The following UBTD2 variants were observed in gnomAD, a reference collection of about 807,000 sequenced individuals.
UBTD2 encodes the protein ubiquitin domain-containing protein 2.
A neutral mutation model predicts 19.8 loss-of-function variants in UBTD2; 9 were observed. The observed-to-expected ratio is 0.46, with a 90% CI of 0.27 to 0.79. The LOEUF is 0.79. UBTD2 is among the 30% of genes least tolerant of loss of function. The pLI, the probability that UBTD2 is intolerant of heterozygous loss-of-function variation, is 0.14. For missense variants in UBTD2, 250 were observed against 300.4 expected (o/e 0.83, Z 1.24); for synonymous variants, 98 against 103.9 (o/e 0.94, Z 0.35).
chr5:172,255,538 C>T (rs1755123581), intron 1 of UBTD2: 2 of 279,992 alleles, frequency 7.1e-6, no homozygotes, highest in South Asian at 9.1e-5. Context: ...GCCTGGAGGC[C>T]CCCAAGCGCA....
chr5:172,269,490 C>CAA (rs373193759), intron 1 of UBTD2, among the ~76,000 whole-genome samples: 8 of 73,204 alleles, frequency 1.1e-4, no homozygotes, highest in African/African-American at 2.1e-4. Flanking sequence ...GGCCCTGTCT[C>CAA]AAAAAAAAAA....
In UBTD2 at chr5:172,210,174, A is replaced by G. The variant is rs1561846235; in HGVS notation, c.*1656T>C. ...TAGCCACAATCTTTAAAATGATTGC[A>G]TAAAAATAAGGAAGTAGTTAAAGCT... On this transcript the variant is annotated 3_prime_UTR_variant, in exon 3 of 3. Transcript: ENST00000393792. 1 of 152,262 alleles carries G rather than the reference A, an allele frequency of 6.6e-6. No homozygotes were observed. The highest frequency in any genetic ancestry group is 1.9e-4 in the East Asian group (1 of 5,202). The allele number at this position is 152,262 out of a possible 1,614,324, so 9.4% of individuals were successfully genotyped here.
intron 1 of UBTD2, among the ~76,000 whole-genome samples, chr5:172,274,769 G>A (rs528377234): frequency 6.6e-6 from 1 of 151,938 alleles, no homozygotes; most frequent in South Asian, 2.1e-4. Flanking sequence ...GGCCAGGCGC[G>A]GTGGCTCATG....
Position 172,210,433 on chromosome 5 carries a change from CAT to C in UBTD2, c.*1395_*1396del, listed in dbSNP as rs927045313. ...TGGATTCTCAGGGGCACAGTGGTCA[CAT>C]GTTAGCCCCCCTTCTCACTTATGGA... On this transcript the variant is annotated 3_prime_UTR_variant, in exon 3 of 3. Coordinates refer to ENST00000393792, the MANE Select transcript of UBTD2 (RefSeq NM_152277.3). The C allele has an allele frequency of 1.2e-4, 19 of 152,200 alleles. No homozygotes were observed. Among genetic ancestry groups the C allele is most frequent in the African/African-American group, 3.1e-4 (13 of 41,550 alleles). 9.4% of individuals were successfully genotyped at this position (152,200 alleles called of 1,614,324 possible).
At chr5:172,212,364 G>T in intron 2 of UBTD2, 137 bp from the exon 3 acceptor site, 1 of 924,546 alleles carries the variant, frequency 1.1e-6, no homozygotes, top group Non-Finnish European at 1.5e-6. Context: ...GATCATCAAT[G>T]ATTATCAAAT....
At position 172,211,879 on chromosome 5, in the gene UBTD2, T is replaced by G; in HGVS notation, c.656A>C (p.Gln219Pro). 6.2e-7 allele frequency: 1 copy of G among 1,614,204 alleles called. No homozygotes were observed. Among genetic ancestry groups the G allele is most frequent in the Non-Finnish European group, 8.5e-7 (1 of 1,180,034 alleles). Residue 219 changes from glutamine (Q) to proline (P), a missense_variant, in exon 3 of 3, where the codon CAG becomes CCG. Physicochemically the swap from Gln to Pro is moderately conservative, Grantham distance 76. Coordinates refer to ENST00000393792, the MANE Select transcript of UBTD2 (RefSeq NM_152277.3). ...ELKIPKDYVV[Q>P]VIVSQPVQNP... ...CTGCACAGGTTGGCTCACTATAACC[T>G]GTACAACATAGTCCTTTGGGATCTT...
chr5:172,268,888 A>G (rs1033841405), intron 1 of UBTD2, among the ~76,000 whole-genome samples: 6 of 152,220 alleles, frequency 3.9e-5, no homozygotes, highest in East Asian at 1.9e-4. Context: ...TTTGAGGACA[A>G]TTAAGGGATT....
chr5:172,237,321 T>A (rs1400175983), intron 1 of UBTD2, among the ~76,000 whole-genome samples: 1 of 152,128 alleles, frequency 6.6e-6, no homozygotes, highest in Non-Finnish European at 1.5e-5. Context: ...TTCAATTTCT[T>A]GACTTCATGA....
At chr5:172,237,612 C>T (rs6866574) in intron 1 of UBTD2, among the ~76,000 whole-genome samples, 111,239 of 152,138 alleles carry the variant, frequency 0.73, 41,992 homozygotes, top group African/African-American at 0.93. Context: ...AAATCTGAGG[C>T]TTGAAGCTTC....
chr5:172,261,734 C>T (rs968121570), intron 1 of UBTD2, among the ~76,000 whole-genome samples: 6 of 152,146 alleles, frequency 3.9e-5, no homozygotes, highest in Admixed American at 6.5e-5. Flanking sequence ...AAGTGATTCT[C>T]GTGCCTTAGC....
chr5:172,228,966 A>G (rs1771832938), intron 2 of UBTD2, among the ~76,000 whole-genome samples: 1 of 151,936 alleles, frequency 6.6e-6, no homozygotes, highest in Non-Finnish European at 1.5e-5. Context: ...CATATAACAA[A>G]CTCTGTGAAA....
chr5:172,217,469 A>G (rs189596248), intron 2 of UBTD2, among the ~76,000 whole-genome samples: 230 of 151,710 alleles, frequency 1.5e-3, no homozygotes, highest in African/African-American at 4.7e-3. Flanking sequence ...TGAAATAAGA[A>G]CCTTTAAAAA....
At chr5:172,236,265 T>G (rs1419487978) in intron 1 of UBTD2, among the ~76,000 whole-genome samples, 2 of 152,218 alleles carry the variant, frequency 1.3e-5, no homozygotes, top group Admixed American at 6.5e-5. Context: ...ACAGGTGAGT[T>G]CTGAAAGGGT....
intron 2 of UBTD2, among the ~76,000 whole-genome samples, chr5:172,215,019 C>A (rs1240576984): frequency 1.3e-5 from 2 of 152,172 alleles, no homozygotes; most frequent in African/African-American, 4.8e-5. Flanking sequence ...CAGAGCATCA[C>A]CATTTACCAT....
chr5:172,252,960 C>A (rs547345029), intron 1 of UBTD2, among the ~76,000 whole-genome samples: 58 of 152,264 alleles, frequency 3.8e-4, no homozygotes, highest in Non-Finnish European at 5.9e-4. Context: ...CAGAAAAAAA[C>A]TACTAGAAAC....
intron 1 of UBTD2, among the ~76,000 whole-genome samples, chr5:172,239,111 TTAAAATGCC>T (rs1772071576): frequency 6.6e-6 from 1 of 152,156 alleles, no homozygotes; most frequent in South Asian, 2.1e-4. Flanking sequence ...GATATGGGAA[TTAAAATGCC>T]TAAAATGCCA....
chr5:172,269,556 T>G (rs1755443929), intron 1 of UBTD2, among the ~76,000 whole-genome samples: 1 of 151,382 alleles, frequency 6.6e-6, no homozygotes, highest in Non-Finnish European at 1.5e-5. Flanking sequence ...AGATGGTCTA[T>G]CCATCCACTC....
intron 1 of UBTD2, among the ~76,000 whole-genome samples, chr5:172,251,652 GAATACCAT>G (rs1472800843): frequency 2.7e-5 from 4 of 150,720 alleles, no homozygotes; most frequent in Admixed American, 6.6e-5. Context: ...TGGCAACCAA[GAATACCAT>G]AACCAGCAAA....
At chr5:172,246,506 G>A (rs1349783653) in intron 1 of UBTD2, among the ~76,000 whole-genome samples, 1 of 142,870 alleles carries the variant, frequency 7.0e-6, no homozygotes, top group Non-Finnish European at 1.5e-5. Context: ...ATGCAGTGGT[G>A]CGATCTTGGC....
Sources: gnomAD v4.1 joint callset for allele counts (sites outside exome capture counted in the v4.1 genomes callset) on GRCh38, gnomAD v4.1.1 for gene constraint, MANE v1.5 for transcripts, NCBI Gene and HGNC (gene_info 2026-07-23, HGNC 2026-07-21) for gene names.